Variants in ADAM18 observed in about 807,000 individuals in gnomAD.
ADAM18 encodes the protein ADAM metallopeptidase domain 18, also known as disintegrin and metalloproteinase domain-containing protein 18.
ADAM18 carries 117 observed loss-of-function variants against 94.4 expected under a neutral mutation model. The observed-to-expected ratio is 1.24, with a 90% CI of 1.07 to 1.45. The LOEUF is 1.45. ADAM18 is among the 40% of genes most tolerant of loss of function. ADAM18 has a pLI of 0.00. For missense variants in ADAM18, 936 were observed against 880.0 expected, an observed-to-expected ratio of 1.06 and a Z score of -0.81; for synonymous variants, 327 against 291.6, an observed-to-expected ratio of 1.12 and a Z score of -1.24.
At chr8:39,633,438 G>T (rs1269320513) in intron 7 of ADAM18, among the ~76,000 whole-genome samples, 3 of 152,162 alleles carry the variant, frequency 2.0e-5, no homozygotes, top group Non-Finnish European at 4.4e-5. Flanking sequence ...GAGATTAGTG[G>T]TTATGAACAG....
intron 10 of ADAM18, among the ~76,000 whole-genome samples, chr8:39,640,406 C>T (rs950072874): frequency 6.6e-6 from 1 of 152,086 alleles, no homozygotes; most frequent in African/African-American, 2.4e-5. Flanking sequence ...ATATGTACCA[C>T]ATTTTCTTTA....
intron 11 of ADAM18, among the ~76,000 whole-genome samples, chr8:39,646,964 C>T (rs1413855588): frequency 1.3e-5 from 2 of 152,050 alleles, no homozygotes; most frequent in Non-Finnish European, 2.9e-5. Flanking sequence ...AACATTTGAG[C>T]AGACATCTGA....
In ADAM18 at chr8:39,610,567, A is replaced by G. The variant is rs1366057185; in HGVS notation, c.383A>G (p.Glu128Gly). ...LQFENISYGI[E>G]PVESSARFEH... is the part of the protein sequence containing the mutation. ...TTTGAAAATATCAGTTATGGAATTG[A>G]ACCAGTAGAATCTTCAGCAAGATTT... The change falls in exon 6 of 20, where the codon GAA becomes GGA. Residue 128 changes from glutamate (E) to glycine (G), a missense_variant. By Grantham distance (98) the Glu-to-Gly change is moderately conservative. Coordinates refer to ENST00000265707, the MANE Select transcript of ADAM18 (RefSeq NM_014237.3). The G allele has an allele frequency of 6.2e-7, 1 of 1,611,388 alleles. No individual in the cohort carries two copies. Among genetic ancestry groups the G allele is most frequent in the Admixed American group, 1.7e-5 (1 of 59,802 alleles).
At chr8:39,717,553 A>G (rs1259567125) in intron 18 of ADAM18, among the ~76,000 whole-genome samples, 1 of 151,746 alleles carries the variant, frequency 6.6e-6, no homozygotes, top group African/African-American at 2.4e-5. Flanking sequence ...TATGTTTGAG[A>G]AAGTCTTTAC....
In ADAM18 at chr8:39,589,698, A is replaced by G. The variant is rs191706668; in HGVS notation, c.132+4346A>G. Among the ~76,000 whole-genome samples the G allele has an allele frequency of 3.7e-3, 565 of 152,014 alleles. 15 individuals are homozygous for G. The highest frequency in any genetic ancestry group is 0.031 in the Admixed American group (467 of 15,264). The stretch of plus-strand genomic sequence containing the variant: ...ATATTTTTATTAGAAATAATTTTTA[A>G]TTACTAATTTTGTAACATGTTTAAA... On this transcript the variant is annotated intron_variant, in intron 2 of 19. Transcript: ENST00000265707.
At position 39,585,359 on chromosome 8, in the gene ADAM18, G is replaced by C. The variant is rs751983647; in HGVS notation, c.132+7G>C. ...TGAAGTTTCAGAGAGGAAGGTAAAT[G>C]ATGAGGAATATTTATTCTATATTTA... On this transcript the variant is annotated splice_region_variant and intron_variant, in intron 2 of 19. Transcript: ENST00000265707. 15 of 1,600,728 alleles carry C rather than the reference G, an allele frequency of 9.4e-6. No individual in the cohort carries two copies. Among genetic ancestry groups the C allele is most frequent in the Non-Finnish European group, 1.3e-5 (15 of 1,168,606 alleles).
At chr8:39,640,222 C>T (rs1366967574) in intron 10 of ADAM18, among the ~76,000 whole-genome samples, 2 of 151,970 alleles carry the variant, frequency 1.3e-5, no homozygotes, top group African/African-American at 2.4e-5. Context: ...GTGTTGTTCC[C>T]CCATGTGTCC....
intron 17 of ADAM18, among the ~76,000 whole-genome samples, chr8:39,702,380 G>A (rs904548182): frequency 1.3e-5 from 2 of 151,634 alleles, no homozygotes; most frequent in African/African-American, 4.8e-5. Flanking sequence ...TATCAATGCT[G>A]GATATTAGAC....
chr8:39,666,177 A>G (rs1585958299), intron 13 of ADAM18, among the ~76,000 whole-genome samples: 1 of 152,150 alleles, frequency 6.6e-6, no homozygotes, highest in African/African-American at 2.4e-5. Flanking sequence ...AGCTAGGACT[A>G]CAGGCACACA....
At chr8:39,691,578 G>A (rs758785115) in intron 16 of ADAM18, among the ~76,000 whole-genome samples, 1 of 151,956 alleles carries the variant, frequency 6.6e-6, no homozygotes. Flanking sequence ...TGGAATCAAC[G>A]TAATTGCTCA....
intron 14 of ADAM18, among the ~76,000 whole-genome samples, chr8:39,676,307 T>C (rs1821299467): frequency 6.6e-6 from 1 of 152,218 alleles, no homozygotes; most frequent in East Asian, 1.9e-4. Context: ...TCTGCCAAGT[T>C]TGGGCTTCCT....
At chr8:39,638,291 GATTTAGT>G (rs141006818) in intron 9 of ADAM18, among the ~76,000 whole-genome samples, 167 bp from the exon 10 acceptor site, 6,145 of 150,872 alleles carry the variant, frequency 0.041, 418 homozygotes, top group African/African-American at 0.14. Context: ...TTAGTATTTA[GATTTAGT>G]ATTTAGTATT....
chr8:39,639,671 T>G (rs1023238688), intron 10 of ADAM18, among the ~76,000 whole-genome samples: 14 of 152,102 alleles, frequency 9.2e-5, no homozygotes, highest in Admixed American at 6.6e-4. Flanking sequence ...CTTAGTTCAA[T>G]TGCCTTGATT....
At chr8:39,634,508 G>T (rs971646935) in intron 7 of ADAM18, among the ~76,000 whole-genome samples, 1 of 152,168 alleles carries the variant, frequency 6.6e-6, no homozygotes, top group Admixed American at 6.5e-5. Flanking sequence ...AGCCTTTGGG[G>T]CTCAAATCCC....
intron 18 of ADAM18, among the ~76,000 whole-genome samples, chr8:39,713,921 C>T (rs187373489): frequency 1.2e-3 from 188 of 152,164 alleles, no homozygotes; most frequent in African/African-American, 4.2e-3. Context: ...ACCATTTGAC[C>T]CAGCCATCCC....
chr8:39,642,212 T>C lies in ADAM18; in HGVS notation c.910-3126T>C, dbSNP rs141333799. On this transcript the variant is annotated intron_variant, in intron 10 of 19. Transcript: ENST00000265707. ...CAAAAATTTTCTCCCATTCTGTAGATAGTTTACTCTATTGAGAGTTTCCTA... is the reference window on the plus strand; with the variant it reads ...CAAAAATTTTCTCCCATTCTGTAGACAGTTTACTCTATTGAGAGTTTCCTA... 9.6e-3 allele frequency among the ~76,000 whole-genome samples: 1,461 copies of C among 152,062 alleles called. 104 individuals carry two copies. The highest frequency in any genetic ancestry group is 0.087 in the Admixed American group (1,320 of 15,238).
In ADAM18 at chr8:39,585,282, A is replaced by G. The variant is rs529535412; in HGVS notation, c.62A>G (p.Glu21Gly). The change falls in exon 2 of 20, where the codon GAA (glutamate) becomes GGA (glycine). Residue 21 changes from glutamate to glycine, a missense_variant. By Grantham distance (98) the Glu-to-Gly change is moderately conservative. Coordinates refer to ENST00000265707, the MANE Select transcript of ADAM18 (RefSeq NM_014237.3). ...LGRLQAHEGS[E>G]GIFLHVTVPR... The stretch of plus-strand genomic sequence containing the variant: ...ACACATTTTCTTACTGCAGGTTCTG[A>G]AGGAATATTTCTGCATGTCACAGTT... The G allele has an allele frequency of 1.2e-6, 2 of 1,611,648 alleles. No individual in the cohort carries two copies. Among genetic ancestry groups the G allele is most frequent in the Non-Finnish European group, 1.7e-6 (2 of 1,179,000 alleles).
intron 6 of ADAM18, among the ~76,000 whole-genome samples, chr8:39,616,888 A>G (rs1344396620): frequency 6.6e-6 from 1 of 152,232 alleles, no homozygotes; most frequent in Non-Finnish European, 1.5e-5. Context: ...AAAGACTTAA[A>G]AGTAAAAGCT....
intron 7 of ADAM18, among the ~76,000 whole-genome samples, chr8:39,633,616 T>C (rs1390940543): frequency 2.0e-5 from 3 of 152,158 alleles, no homozygotes; most frequent in Non-Finnish European, 4.4e-5. Flanking sequence ...ATTATGCCCA[T>C]GCCATAGAAC....
Sources: gnomAD v4.1 joint callset for allele counts (sites outside exome capture counted in the v4.1 genomes callset) on GRCh38, gnomAD v4.1.1 for gene constraint, MANE v1.5 for transcripts, NCBI Gene and HGNC (gene_info 2026-07-23, HGNC 2026-07-21) for gene names.